TMPRSS11E: variants seen among roughly 807,000 people sequenced by gnomAD.
TMPRSS11E encodes transmembrane protease serine 11E.
A neutral mutation model predicts 48.1 loss-of-function variants in TMPRSS11E; 38 were observed. The observed-to-expected ratio is 0.79, with a 90% confidence interval of 0.61 to 1.04. TMPRSS11E has a LOEUF of 1.04. Among genes scored for constraint, TMPRSS11E ranks in the 50% least tolerant of loss-of-function variants. The probability of loss-of-function intolerance (pLI) is 0.00; values close to 1 mark genes in which losing one functional copy is unlikely to be tolerated. For missense variants in TMPRSS11E, 530 were observed against 510.8 expected (o/e 1.04, Z -0.36); for synonymous variants, 158 against 171.9 (o/e 0.92, Z 0.63).
intron 2 of TMPRSS11E, among the ~76,000 whole-genome samples, chr4:68,463,523 G>A (rs1386734339): frequency 2.0e-5 from 3 of 152,076 alleles, no homozygotes; most frequent in Admixed American, 6.6e-5. Flanking sequence ...GGCTGGTCTC[G>A]AACTTCTGAC....
In TMPRSS11E at chr4:68,450,283, A is replaced by G. The variant is rs576984629; in HGVS notation, c.11+2760A>G. 1.4e-4 allele frequency among the ~76,000 whole-genome samples: 22 copies of G among 151,982 alleles called. 1 individual carries two copies. The South Asian group carries it at 4.3e-3, about 30-fold the overall frequency. Reference sequence around the variant, plus strand: ...ACTCTCTGTTGAGCACCTACTATATATTGTGTATTTTATAAAATGCAATTT... The same window carrying G: ...ACTCTCTGTTGAGCACCTACTATATGTTGTGTATTTTATAAAATGCAATTT... On this transcript the variant is annotated intron_variant, in intron 1 of 9. Coordinates refer to ENST00000305363, the MANE Select transcript of TMPRSS11E (RefSeq NM_014058.4).
At chr4:68,458,325 C>T (rs1728690843) in intron 1 of TMPRSS11E, among the ~76,000 whole-genome samples, 1 of 150,284 alleles carries the variant, frequency 6.7e-6, no homozygotes, top group Admixed American at 6.7e-5. Context: ...AAGCATATTG[C>T]TTGTTTTCTG....
At chr4:68,448,694 G>C (rs1464411291) in intron 1 of TMPRSS11E, among the ~76,000 whole-genome samples, 2 of 151,718 alleles carry the variant, frequency 1.3e-5, no homozygotes, top group African/African-American at 2.4e-5. Flanking sequence ...CAAAAGATGT[G>C]ACTATTTTTA....
intron 3 of TMPRSS11E, among the ~76,000 whole-genome samples, chr4:68,467,892 C>A (rs1412169420): frequency 1.3e-5 from 2 of 152,162 alleles, no homozygotes; most frequent in Non-Finnish European, 2.9e-5. Context: ...TTGTGCCATT[C>A]ATTCAAATAA....
At chr4:68,480,490 T>C (rs1411266003) in intron 9 of TMPRSS11E, among the ~76,000 whole-genome samples, 1 of 152,044 alleles carries the variant, frequency 6.6e-6, no homozygotes, top group Non-Finnish European at 1.5e-5. Context: ...CTTCTTTTTA[T>C]ATTTACTATT....
At chr4:68,447,598 G>A in intron 1 of TMPRSS11E, 75 bp downstream of exon 1, 1 of 1,164,778 alleles carries the variant, frequency 8.6e-7, no homozygotes, top group Non-Finnish European at 1.3e-6. Context: ...CCACACCAAG[G>A]AATGTGTAGA....
intron 9 of TMPRSS11E, among the ~76,000 whole-genome samples, chr4:68,484,576 G>A (rs1328217641): frequency 1.3e-5 from 2 of 152,132 alleles, no homozygotes; most frequent in Non-Finnish European, 2.9e-5. Flanking sequence ...CTAAAGTGCT[G>A]GGATTACGGG....
At chr4:68,476,036 G>A (rs1729205365) in intron 6 of TMPRSS11E, among the ~76,000 whole-genome samples, 1 of 152,172 alleles carries the variant, frequency 6.6e-6, no homozygotes, top group Non-Finnish European at 1.5e-5. Context: ...AGGGGAGTTA[G>A]AGAAAGCATC....
chr4:68,483,165 A>G (rs2708696), intron 9 of TMPRSS11E, among the ~76,000 whole-genome samples: 100,484 of 151,946 alleles, frequency 0.66, 33,609 homozygotes, highest in East Asian at 0.86. Context: ...GCATTAACTT[A>G]GCTCCTAGGG....
chr4:68,447,733 T>C (rs540665362), intron 1 of TMPRSS11E, among the ~76,000 whole-genome samples: 1 of 152,032 alleles, frequency 6.6e-6, no homozygotes, highest in Non-Finnish European at 1.5e-5. Context: ...TTGTATCCCA[T>C]GTGTTTTTCT....
intron 6 of TMPRSS11E, 152 bp from the exon 7 acceptor site, chr4:68,476,109 T>C: frequency 9.9e-7 from 1 of 1,010,794 alleles, no homozygotes; most frequent in East Asian, 2.5e-5. Context: ...AATAAAACAC[T>C]ACAGTTTACA....
chr4:68,471,233 CTCTTT>C (rs1017014694), intron 4 of TMPRSS11E, among the ~76,000 whole-genome samples: 5 of 151,296 alleles, frequency 3.3e-5, no homozygotes, highest in South Asian at 2.1e-4. Context: ...CTTTTCTTTT[CTCTTT>C]TCTTTTCTTT....
At chr4:68,458,136 T>G (rs893524479) in intron 1 of TMPRSS11E, among the ~76,000 whole-genome samples, 2 of 152,150 alleles carry the variant, frequency 1.3e-5, no homozygotes, top group Admixed American at 1.3e-4. Flanking sequence ...TGAAGAGGCT[T>G]CTTCTGGTAA....
chr4:68,458,347 CT>C (rs1261824695), intron 1 of TMPRSS11E, among the ~76,000 whole-genome samples: 1 of 137,590 alleles, frequency 7.3e-6, no homozygotes, highest in African/African-American at 2.6e-5. Context: ...CAATTTGGGG[CT>C]AAAAAAACAA....
At chr4:68,470,222 G>A (rs1371914537) in intron 4 of TMPRSS11E, among the ~76,000 whole-genome samples, 3 of 151,684 alleles carry the variant, frequency 2.0e-5, no homozygotes, top group Non-Finnish European at 2.9e-5. Context: ...AATAATAAAA[G>A]GGAATGAAAA....
intron 3 of TMPRSS11E, among the ~76,000 whole-genome samples, chr4:68,468,315 T>C (rs1578136967): frequency 6.6e-6 from 1 of 152,120 alleles, no homozygotes; most frequent in East Asian, 1.9e-4. Flanking sequence ...TCTACAAAAA[T>C]AGACTCTTTC....
In TMPRSS11E at chr4:68,496,756, T is replaced by C. The variant is rs1318477708; in HGVS notation, c.1224T>C (p.Thr408=). Residue 408 remains threonine, a synonymous_variant, in exon 10 of 10, where the codon ACT becomes ACC. Transcript: ENST00000305363. ...AACCCAACAAGCCTGGTGTTTATACTAGAGTTACGGCCTTGCGGGACTGGA... is the reference window on the plus strand; with the variant it reads ...AACCCAACAAGCCTGGTGTTTATACCAGAGTTACGGCCTTGCGGGACTGGA... The part of the protein sequence containing the change: ...CAKPNKPGVY[T]RVTALRDWIT... The C allele has an allele frequency of 1.2e-6, 2 of 1,613,636 alleles. No homozygotes were observed. The highest frequency in any genetic ancestry group is 1.7e-6 in the Non-Finnish European group (2 of 1,179,650).
intron 1 of TMPRSS11E, among the ~76,000 whole-genome samples, chr4:68,457,422 A>T (rs1728663600): frequency 6.6e-6 from 1 of 152,158 alleles, no homozygotes; most frequent in Admixed American, 6.5e-5. Flanking sequence ...GATGTGGAGA[A>T]ATAGGGACAT....
intron 8 of TMPRSS11E, 40 bp downstream of exon 8, chr4:68,477,668 G>C: frequency 3.1e-6 from 5 of 1,602,130 alleles, no homozygotes; most frequent in Non-Finnish European, 4.3e-6. Flanking sequence ...AGTTAAATTG[G>C]TATTTTATGG....
Sources: gnomAD v4.1 joint callset for allele counts (sites outside exome capture counted in the v4.1 genomes callset) on GRCh38, gnomAD v4.1.1 for gene constraint, MANE v1.5 for transcripts, NCBI Gene and HGNC (gene_info 2026-07-23, HGNC 2026-07-21) for gene names.